Variants in TENM2 observed in about 807,000 individuals in gnomAD.
TENM2 encodes the protein teneurin-2.
A neutral mutation model predicts 245.2 loss-of-function variants in TENM2; 52 were observed. That is an observed-to-expected ratio of 0.21 (90% CI 0.17 to 0.27). The LOEUF (loss-of-function observed/expected upper bound fraction) is 0.27, where lower values mean the gene tolerates loss of function less well. Among genes scored for constraint, TENM2 ranks in the 10% least tolerant of loss-of-function variants. The pLI, the probability that TENM2 is intolerant of heterozygous loss-of-function variation, is 1.00. For missense variants in TENM2, 3,046 were observed against 3,666.8 expected (o/e 0.83, Z 4.37); for synonymous variants, 1,363 against 1,438.9 (o/e 0.95, Z 1.19).
chr5:167,208,183 AAG>A, the TENM2 span, among the ~76,000 whole-genome samples: 25,473 of 152,172 alleles, frequency 0.17, 2,260 homozygotes, highest in South Asian at 0.21. Flanking sequence ...GAGGGTCAGA[AAG>A]AGAGAGAGAT....
At chr5:168,260,448 T>G in intron 28 of TENM2, 35 bp downstream of exon 30, 3 of 1,610,160 alleles carry the variant, frequency 1.9e-6, no homozygotes, top group South Asian at 2.2e-5. Flanking sequence ...TCCAAATGAT[T>G]GTCATCATTC....
intron 1 of TENM2, among the ~76,000 whole-genome samples, chr5:167,310,927 A>G (rs1490232627): frequency 6.6e-6 from 1 of 152,250 alleles, no homozygotes; most frequent in Non-Finnish European, 1.5e-5. Context: ...GGGACTTAGT[A>G]TGAACCCAGT....
chr5:167,237,935 A>G, the TENM2 span, among the ~76,000 whole-genome samples: 2 of 145,366 alleles, frequency 1.4e-5, no homozygotes, highest in South Asian at 4.4e-4. Flanking sequence ...GCTTGAACCC[A>G]GGAGGTGGAG....
chr5:168,204,642 C>A (rs756101412), intron 19 of TENM2, 21 bp downstream of exon 21: 5 of 1,610,446 alleles, frequency 3.1e-6, no homozygotes, highest in African/African-American at 1.3e-5. Flanking sequence ...TCACAGGCAA[C>A]CTTCTTTTGC....
chr5:167,468,737 T>C (rs1766824926), intron 2 of TENM2, among the ~76,000 whole-genome samples: 1 of 152,234 alleles, frequency 6.6e-6, no homozygotes, highest in African/African-American at 2.4e-5. Flanking sequence ...AGACAATTTA[T>C]AAGAACCTTT....
At chr5:167,989,076 C>A (rs905212060) in intron 4 of TENM2, among the ~76,000 whole-genome samples, 1 of 152,172 alleles carries the variant, frequency 6.6e-6, no homozygotes, top group South Asian at 2.1e-4. Context: ...AATGTTTCGA[C>A]TCTGGAGATA....
At chr5:168,052,537 C>T (rs1489168724) in intron 6 of TENM2, among the ~76,000 whole-genome samples, 1 of 151,806 alleles carries the variant, frequency 6.6e-6, no homozygotes, top group Non-Finnish European at 1.5e-5. Flanking sequence ...TGAAGATAGA[C>T]AATACCACTT....
chr5:168,127,234 A>G (rs1795919028), intron 12 of TENM2, among the ~76,000 whole-genome samples: 1 of 152,230 alleles, frequency 6.6e-6, no homozygotes, highest in Non-Finnish European at 1.5e-5. Flanking sequence ...ATGCACATGC[A>G]TGGGAAACTG....
At chr5:167,534,662 A>G (rs1771733807) in intron 2 of TENM2, among the ~76,000 whole-genome samples, 1 of 152,204 alleles carries the variant, frequency 6.6e-6, no homozygotes, top group Admixed American at 6.5e-5. Flanking sequence ...GAGTGACAAG[A>G]TAAAATAATT....
intron 1 of TENM2, among the ~76,000 whole-genome samples, chr5:167,339,542 G>A (rs914170954): frequency 2.6e-5 from 4 of 151,584 alleles, no homozygotes; most frequent in African/African-American, 9.7e-5. Context: ...TGCATGATAT[G>A]AGGATTTTCC....
intron 7 of TENM2, among the ~76,000 whole-genome samples, chr5:168,068,034 G>T (rs1279050746): frequency 6.6e-6 from 1 of 152,146 alleles, no homozygotes; most frequent in Non-Finnish European, 1.5e-5. Flanking sequence ...GACTGAAAGT[G>T]CTTTTGGAAA....
At chr5:167,576,762 G>A (rs1420821758) in intron 2 of TENM2, among the ~76,000 whole-genome samples, 1 of 152,104 alleles carries the variant, frequency 6.6e-6, no homozygotes, top group Non-Finnish European at 1.5e-5. Flanking sequence ...GAAATTAAAA[G>A]CATGCAACCT....
intron 2 of TENM2, among the ~76,000 whole-genome samples, chr5:167,832,525 G>A (rs114410837): frequency 0.011 from 1,623 of 152,320 alleles, 31 homozygotes; most frequent in African/African-American, 0.037. Flanking sequence ...ACTGCACGAT[G>A]TTTATGTAAG....
chr5:167,398,799 T>C (rs1762215506), intron 2 of TENM2, among the ~76,000 whole-genome samples: 1 of 152,162 alleles, frequency 6.6e-6, no homozygotes, highest in Non-Finnish European at 1.5e-5. Context: ...TGGGCTAGTA[T>C]ATTAAGCTCT....
At chr5:167,933,670 A>G (rs1473977892) in intron 3 of TENM2, among the ~76,000 whole-genome samples, 3 of 149,620 alleles carry the variant, frequency 2.0e-5, no homozygotes, top group South Asian at 2.1e-4. Context: ...TAAATTGTGA[A>G]AAAAAAAAAG....
chr5:167,702,552 G>GTGAATA (rs58351767), intron 2 of TENM2, among the ~76,000 whole-genome samples: 1 of 136,782 alleles, frequency 7.3e-6, no homozygotes, highest in Non-Finnish European at 1.5e-5. Context: ...GTGTGTGTGT[G>GTGAATA]TATATATATA....
intron 2 of TENM2, among the ~76,000 whole-genome samples, chr5:167,536,548 G>A (rs1485675251): frequency 1.3e-5 from 2 of 152,130 alleles, no homozygotes; most frequent in African/African-American, 4.8e-5. Flanking sequence ...TTTGGATCAT[G>A]TACTATAGTT....
chr5:167,335,812 G>A (rs575993201), intron 1 of TENM2, among the ~76,000 whole-genome samples: 43 of 152,186 alleles, frequency 2.8e-4, no homozygotes, highest in African/African-American at 9.6e-4. Context: ...TTAATCATGA[G>A]GGCTCTCCTT....
intron 2 of TENM2, among the ~76,000 whole-genome samples, chr5:167,841,031 G>T (rs1238248959): frequency 1.3e-5 from 2 of 151,024 alleles, no homozygotes; most frequent in Non-Finnish European, 2.9e-5. Context: ...TGGAAGAATA[G>T]GTCATTTTTA....
Sources: allele counts gnomAD v4.1 joint callset (sites outside exome capture counted in the v4.1 genomes callset), GRCh38; gene constraint gnomAD v4.1.1; transcripts MANE v1.5; gene names NCBI Gene and HGNC (gene_info 2026-07-23, HGNC 2026-07-21).